Variants in RNF11 observed in about 807,000 individuals in gnomAD.
RNF11 encodes the protein ring finger protein 11.
In RNF11, 4 loss-of-function variants were observed where a neutral mutation model predicts 15.8. The observed-to-expected ratio is 0.25, with a 90% CI of 0.12 to 0.58. The LOEUF (loss-of-function observed/expected upper bound fraction) is 0.58. Among genes scored for constraint, RNF11 ranks in the 20% least tolerant of loss-of-function variants. RNF11 has a pLI of 0.91. For missense variants in RNF11, 139 were observed against 194.4 expected (o/e 0.71, Z 1.70); for synonymous variants, 68 against 72.3 (o/e 0.94, Z 0.30).
intron 1 of RNF11, among the ~76,000 whole-genome samples, chr1:51,241,310 G>A (rs1003337497): frequency 1.3e-5 from 2 of 152,162 alleles, no homozygotes; most frequent in Non-Finnish European, 2.9e-5. Context: ...TGTTGCCCAG[G>A]CTGGAGGGCA....
intron 1 of RNF11, among the ~76,000 whole-genome samples, chr1:51,262,715 C>CTTTTTT (rs35542254): frequency 9.2e-4 from 77 of 84,072 alleles, no homozygotes; most frequent in Middle Eastern, 9.4e-3. Flanking sequence ...GCCTGCTAAT[C>CTTTTTT]TTTTTTTTTT....
intron 1 of RNF11, among the ~76,000 whole-genome samples, chr1:51,245,703 G>A (rs991833837): frequency 1.3e-5 from 2 of 152,060 alleles, no homozygotes; most frequent in African/African-American, 4.8e-5. Flanking sequence ...ACCCACCTAG[G>A]CCTACCAAAG....
intron 1 of RNF11, chr1:51,251,115 G>A: frequency 1.3e-6 from 2 of 1,553,742 alleles, no homozygotes; most frequent in Non-Finnish European, 1.7e-6. Context: ...CTTGAACCTG[G>A]TGCGCTGGCC....
At chr1:51,246,627 C>T (rs1646852686) in intron 1 of RNF11, among the ~76,000 whole-genome samples, 3 of 152,008 alleles carry the variant, frequency 2.0e-5, no homozygotes, top group Admixed American at 6.6e-5. Flanking sequence ...TAGGCTGAGG[C>T]GGGAGGATTG....
chr1:51,262,370 C>T (rs1181454771), intron 1 of RNF11, among the ~76,000 whole-genome samples: 1 of 152,174 alleles, frequency 6.6e-6, no homozygotes, highest in Non-Finnish European at 1.5e-5. Context: ...ACTTTATAAA[C>T]CTCTTAGAAG....
In RNF11 at chr1:51,267,493, A is replaced by C. The variant is rs546254490; in HGVS notation, c.124-2463A>C. Among the ~76,000 whole-genome samples, 20 of 152,358 alleles carry C rather than the reference A, an allele frequency of 1.3e-4. No individual in the cohort carries two copies. The East Asian group carries it at 3.7e-3, about 28-fold the overall frequency. On this transcript the variant is annotated intron_variant, in intron 1 of 2. Coordinates refer to ENST00000242719, the MANE Select transcript of RNF11 (RefSeq NM_014372.5). ...TGCTTTGGTCTAAAGGGAACTAAGC[A>C]CAAGCTTCCAAGAGTTATCTCCTAG...
intron 1 of RNF11, among the ~76,000 whole-genome samples, chr1:51,237,274 C>T (rs1646808372): frequency 6.6e-6 from 1 of 151,804 alleles, no homozygotes; most frequent in African/African-American, 2.4e-5. Flanking sequence ...CACCCCCCCG[C>T]CCCATTTATG....
At chr1:51,240,451 T>C (rs886793200) in intron 1 of RNF11, among the ~76,000 whole-genome samples, 9 of 151,976 alleles carry the variant, frequency 5.9e-5, no homozygotes, top group African/African-American at 1.9e-4. Context: ...CCTGTTGTTT[T>C]CCCCCCCAAT....
In RNF11 at chr1:51,273,181, G is replaced by A. The variant is rs911649876; in HGVS notation, c.*1859G>A. 1 of 152,078 alleles carries A rather than the reference G, an allele frequency of 6.6e-6. No homozygotes were observed. Among genetic ancestry groups the A allele is most frequent in the African/African-American group, 2.4e-5 (1 of 41,416 alleles). 9.4% of individuals were successfully genotyped at this position (152,078 alleles called of 1,614,324 possible). A position where few individuals can be genotyped will look rare whatever the true frequency, so the allele number is the denominator to read the frequency against. Reference sequence around the variant, plus strand: ...TTTTCTACTTAAACATAATGTCTGTGTCATCAAGTATTATAGTCAGACTTT... The same window carrying A: ...TTTTCTACTTAAACATAATGTCTGTATCATCAAGTATTATAGTCAGACTTT... On this transcript the variant is annotated 3_prime_UTR_variant, in exon 3 of 3. Transcript: ENST00000242719.
intron 1 of RNF11, among the ~76,000 whole-genome samples, chr1:51,263,983 G>T (rs1646941837): frequency 6.6e-6 from 1 of 151,928 alleles, no homozygotes; most frequent in African/African-American, 2.4e-5. Flanking sequence ...GCTAGGCTTG[G>T]CTGCTCACTC....
intron 1 of RNF11, among the ~76,000 whole-genome samples, chr1:51,257,281 G>A (rs1262097864): frequency 6.6e-6 from 1 of 152,160 alleles, no homozygotes; most frequent in Non-Finnish European, 1.5e-5. Context: ...GACTTATTAG[G>A]AGCAGAATGC....
intron 1 of RNF11, among the ~76,000 whole-genome samples, chr1:51,256,664 G>T (rs537945053): frequency 2.0e-5 from 3 of 151,788 alleles, no homozygotes; most frequent in East Asian, 1.9e-4. Context: ...TACCATTTTT[G>T]TTGTTGTTGT....
chr1:51,249,774 C>T (rs1366032472), intron 1 of RNF11, among the ~76,000 whole-genome samples: 1 of 152,054 alleles, frequency 6.6e-6, no homozygotes, highest in Admixed American at 6.6e-5. Flanking sequence ...GAACATTATA[C>T]CTGAGCACCT....
At chr1:51,251,704 G>A (rs1336544525) in intron 1 of RNF11, among the ~76,000 whole-genome samples, 2 of 152,058 alleles carry the variant, frequency 1.3e-5, no homozygotes, top group Non-Finnish European at 1.5e-5. Flanking sequence ...TTGGGAGGCC[G>A]AGGCAGGAGG....
chr1:51,254,760 G>T (rs1387892267), intron 1 of RNF11, among the ~76,000 whole-genome samples: 1 of 152,082 alleles, frequency 6.6e-6, no homozygotes, highest in African/African-American at 2.4e-5. Flanking sequence ...ACTGCACCCG[G>T]CCATTTTTTT....
At chr1:51,237,494 C>T (rs2148063118) in intron 1 of RNF11, among the ~76,000 whole-genome samples, 1 of 148,884 alleles carries the variant, frequency 6.7e-6, no homozygotes, top group East Asian at 2.0e-4. Flanking sequence ...CCTCTTTTTG[C>T]TCCACCCATA....
intron 1 of RNF11, among the ~76,000 whole-genome samples, chr1:51,246,510 TA>T (rs1416635741): frequency 6.6e-6 from 1 of 151,740 alleles, no homozygotes; most frequent in Non-Finnish European, 1.5e-5. Context: ...TTGGAAGGTA[TA>T]ATGAGCTGTG....
chr1:51,252,246 T>G (rs536812166), intron 1 of RNF11, among the ~76,000 whole-genome samples: 6 of 152,306 alleles, frequency 3.9e-5, no homozygotes, highest in South Asian at 2.1e-4. Flanking sequence ...TAATCAAGTT[T>G]GTGTTATCCA....
At chr1:51,248,135 C>G (rs1186065400) in intron 1 of RNF11, among the ~76,000 whole-genome samples, 2 of 126,168 alleles carry the variant, frequency 1.6e-5, no homozygotes, top group East Asian at 4.7e-4. Context: ...GAGCTTCGCT[C>G]TTGTTGCTCA....
Sources: gnomAD v4.1 joint callset for allele counts (sites outside exome capture counted in the v4.1 genomes callset) on GRCh38, gnomAD v4.1.1 for gene constraint, MANE v1.5 for transcripts, NCBI Gene and HGNC (gene_info 2026-07-23, HGNC 2026-07-21) for gene names.